Variants in NXPH1 observed in about 807,000 individuals in gnomAD.
NXPH1 encodes the protein neurexophilin-1.
Under a neutral mutation model 23.7 loss-of-function variants are expected in NXPH1, and 5 were observed. The ratio of observed to expected loss-of-function variants is 0.21; its 90% confidence interval spans 0.11 to 0.44. The LOEUF (loss-of-function observed/expected upper bound fraction) is 0.44. Ranked by LOEUF, NXPH1 falls within the 20% of genes least tolerant of loss-of-function variation. The pLI is 0.99. For synonymous variants in NXPH1, 144 were observed against 122.2 expected (o/e 1.18, Z -1.18); for missense variants, 324 against 321.6 (o/e 1.01, Z -0.06).
At chr7:8,732,604 G>C (rs745924296) in intron 2 of NXPH1, among the ~76,000 whole-genome samples, 1 of 152,140 alleles carries the variant, frequency 6.6e-6, no homozygotes, top group African/African-American at 2.4e-5. Context: ...TGAAGTGTCT[G>C]TTTTAGCAAA....
At chr7:8,518,227 C>T (rs995054691) in intron 2 of NXPH1, among the ~76,000 whole-genome samples, 14 of 152,012 alleles carry the variant, frequency 9.2e-5, no homozygotes, top group African/African-American at 3.1e-4. Flanking sequence ...ATATTAAGAA[C>T]GATTTGTTTA....
chr7:8,710,686 C>G (rs932604177), intron 2 of NXPH1, among the ~76,000 whole-genome samples: 2 of 90,850 alleles, frequency 2.2e-5, no homozygotes, highest in Non-Finnish European at 3.6e-5. Context: ...GACGGAGTCT[C>G]GCTCTGTCGC....
At chr7:8,484,489 C>A (rs1817126259) in intron 2 of NXPH1, among the ~76,000 whole-genome samples, 1 of 152,012 alleles carries the variant, frequency 6.6e-6, no homozygotes, top group Non-Finnish European at 1.5e-5. Flanking sequence ...AAAAATAAGA[C>A]AAGTTATTTT....
intron 2 of NXPH1, among the ~76,000 whole-genome samples, chr7:8,553,338 AT>A (rs200120951): frequency 0.072 from 10,237 of 142,490 alleles, 1,026 homozygotes; most frequent in African/African-American, 0.23. Flanking sequence ...GGTGGTGGGC[AT>A]TTTTTTTTTT....
chr7:8,457,580 AG>A (rs1563315867), intron 2 of NXPH1, among the ~76,000 whole-genome samples: 1 of 151,352 alleles, frequency 6.6e-6, no homozygotes, highest in African/African-American at 2.4e-5. Flanking sequence ...AAAACTTGAA[AG>A]GAGCCTCAGA....
intron 2 of NXPH1, among the ~76,000 whole-genome samples, chr7:8,712,311 T>C (rs1366265695): frequency 1.3e-5 from 2 of 152,348 alleles, no homozygotes; most frequent in East Asian, 3.9e-4. Flanking sequence ...TAAATATACA[T>C]TAGATATCTC....
chr7:8,499,938 A>G (rs886782545), intron 2 of NXPH1, among the ~76,000 whole-genome samples: 5 of 152,118 alleles, frequency 3.3e-5, no homozygotes, highest in African/African-American at 1.2e-4. Context: ...AGGAAGAAGC[A>G]TGTACGGACA....
intron 2 of NXPH1, among the ~76,000 whole-genome samples, chr7:8,602,704 C>T (rs1323923871): frequency 6.6e-6 from 1 of 152,156 alleles, no homozygotes; most frequent in Non-Finnish European, 1.5e-5. Flanking sequence ...GTTGTGAAGA[C>T]TCATTTACTG....
chr7:8,750,025 C>T (rs1369070041), intron 2 of NXPH1, among the ~76,000 whole-genome samples: 1 of 152,172 alleles, frequency 6.6e-6, no homozygotes, highest in African/African-American at 2.4e-5. Context: ...TCACAATCCA[C>T]CCTGAAGTGA....
At chr7:8,635,829 A>T (rs180934222) in intron 2 of NXPH1, among the ~76,000 whole-genome samples, 2 of 152,192 alleles carry the variant, frequency 1.3e-5, no homozygotes, top group African/African-American at 2.4e-5. Context: ...TGAATTTAGA[A>T]TATATACACT....
intron 2 of NXPH1, among the ~76,000 whole-genome samples, chr7:8,728,975 CTT>C (rs373421464): frequency 0.25 from 37,038 of 148,316 alleles, 4,707 homozygotes; most frequent in African/African-American, 0.34. Flanking sequence ...GTCCTGGACT[CTT>C]TTTGGTTGGT....
intron 2 of NXPH1, among the ~76,000 whole-genome samples, chr7:8,498,762 T>C (rs1277359060): frequency 6.6e-6 from 1 of 152,008 alleles, no homozygotes; most frequent in Non-Finnish European, 1.5e-5. Context: ...CTAGGGGAAA[T>C]ATCTAATGTG....
intron 2 of NXPH1, among the ~76,000 whole-genome samples, chr7:8,578,904 T>C (rs1466032364): frequency 6.6e-6 from 1 of 152,222 alleles, no homozygotes; most frequent in East Asian, 1.9e-4. Context: ...AGGCAGAATA[T>C]TCTAGGCATA....
intron 2 of NXPH1, among the ~76,000 whole-genome samples, chr7:8,600,420 T>C (rs1395674696): frequency 6.6e-6 from 1 of 152,176 alleles, no homozygotes; most frequent in African/African-American, 2.4e-5. Flanking sequence ...TCTATCTGTT[T>C]AGTGTCAGTT....
chr7:8,569,918 C>G (rs938273139), intron 2 of NXPH1, among the ~76,000 whole-genome samples: 12 of 151,958 alleles, frequency 7.9e-5, no homozygotes, highest in African/African-American at 2.9e-4. Flanking sequence ...TTAGAGTTAT[C>G]ATTTGTGATG....
intron 2 of NXPH1, among the ~76,000 whole-genome samples, chr7:8,446,711 A>G (rs1816410056): frequency 6.6e-6 from 1 of 152,040 alleles, no homozygotes; most frequent in African/African-American, 2.4e-5. Flanking sequence ...TACATAGTGT[A>G]TAGATCTCTA....
At chr7:8,610,613 G>T (rs1819597069) in intron 2 of NXPH1, among the ~76,000 whole-genome samples, 1 of 152,066 alleles carries the variant, frequency 6.6e-6, no homozygotes, top group African/African-American at 2.4e-5. Context: ...TATCCTTCCA[G>T]ATGTAGATCC....
At chr7:8,700,764 C>A (rs1197885745) in intron 2 of NXPH1, among the ~76,000 whole-genome samples, 1 of 152,074 alleles carries the variant, frequency 6.6e-6, no homozygotes, top group Non-Finnish European at 1.5e-5. Flanking sequence ...CTGGTTATCC[C>A]ACAGCACCTT....
At chr7:8,492,018 A>C (rs1461878475) in intron 2 of NXPH1, among the ~76,000 whole-genome samples, 1 of 152,016 alleles carries the variant, frequency 6.6e-6, no homozygotes. Flanking sequence ...AATTTATGCC[A>C]CTTACCTCCA....
Sources: allele counts gnomAD v4.1 joint callset (sites outside exome capture counted in the v4.1 genomes callset), GRCh38; gene constraint gnomAD v4.1.1; transcripts MANE v1.5; gene names NCBI Gene and HGNC (gene_info 2026-07-23, HGNC 2026-07-21).